Variants in BLK observed in about 807,000 individuals in gnomAD.
BLK encodes the protein tyrosine-protein kinase Blk.
A neutral mutation model predicts 61.8 loss-of-function variants in BLK; 64 were observed. The ratio of observed to expected loss-of-function variants is 1.03; its 90% CI spans 0.85 to 1.27. The LOEUF (loss-of-function observed/expected upper bound fraction) is 1.27, where lower values mean the gene tolerates loss of function less well. BLK is among the 50% of genes most tolerant of loss of function. BLK has a pLI of 0.00. For missense variants in BLK, 853 were observed against 660.5 expected, an observed-to-expected ratio of 1.29 and a Z score of -3.19; for synonymous variants, 351 against 272.0, an observed-to-expected ratio of 1.29 and a Z score of -2.86.
At chr8:11,516,937 C>T (rs1044597148) in intron 1 of BLK, among the ~76,000 whole-genome samples, 2 of 152,214 alleles carry the variant, frequency 1.3e-5, no homozygotes, top group African/African-American at 2.4e-5. Flanking sequence ...TGGATACACA[C>T]CCAGAACTGG....
intron 1 of BLK, among the ~76,000 whole-genome samples, chr8:11,506,025 A>G (rs2117264591): frequency 6.6e-6 from 1 of 152,254 alleles, no homozygotes; most frequent in Non-Finnish European, 1.5e-5. Flanking sequence ...ATCTCTTCCC[A>G]CAGTGGGCCC....
chr8:11,517,763 G>A (rs976286107), intron 1 of BLK, among the ~76,000 whole-genome samples: 4 of 152,204 alleles, frequency 2.6e-5, no homozygotes, highest in Non-Finnish European at 5.9e-5. Context: ...ACCTGAGGCA[G>A]CACCCATGGT....
chr8:11,504,763 G>T (rs10100215), intron 1 of BLK, among the ~76,000 whole-genome samples: 41,493 of 152,166 alleles, frequency 0.27, 7,149 homozygotes, highest in East Asian at 0.69. Context: ...CCTGATAAGG[G>T]TGCTGGCATA....
At chr8:11,521,416 G>A (rs890625592) in intron 1 of BLK, among the ~76,000 whole-genome samples, 2 of 152,046 alleles carry the variant, frequency 1.3e-5, no homozygotes, top group Non-Finnish European at 2.9e-5. Flanking sequence ...TAAGCCTCCC[G>A]AGTAGCTGGG....
intron 6 of BLK, chr8:11,552,626 A>G (rs1205268198): frequency 1.3e-5 from 2 of 152,206 alleles, no homozygotes; most frequent in African/African-American, 4.8e-5. Flanking sequence ...TTTCATCTGT[A>G]TCTCCCGCTC....
chr8:11,528,244 C>T lies in BLK; in HGVS notation c.-1-14980C>T, dbSNP rs189264387. Among the ~76,000 whole-genome samples the T allele has an allele frequency of 3.9e-5, 6 of 152,208 alleles. No individual in the cohort carries two copies. In the East Asian group the frequency reaches 1.2e-3, roughly 29 times the overall value. ...TAGAGATGGAGTCTTGCTGTGTTGT[C>T]CAGGCTGGTCTAGAACTCCTGAGCT... On this transcript the variant is annotated intron_variant, in intron 1 of 12. Coordinates refer to ENST00000259089, the MANE Select transcript of BLK (RefSeq NM_001715.3).
At chr8:11,533,582 CGGAGGA>C (rs1054999044) in intron 1 of BLK, among the ~76,000 whole-genome samples, 1 of 47,770 alleles carries the variant, frequency 2.1e-5, no homozygotes, top group East Asian at 2.8e-4. Flanking sequence ...CCCTGTCTGC[CGGAGGA>C]GGAGGAGGAG....
At chr8:11,555,273 C>A (rs1801143763) in intron 7 of BLK, 59 bp from the exon 8 acceptor site, 1 of 1,610,574 alleles carries the variant, frequency 6.2e-7, no homozygotes, top group African/African-American at 1.3e-5. Context: ...ATACAGCTCC[C>A]AAGGTAGAGC....
At chr8:11,516,407 T>A (rs1799228052) in intron 1 of BLK, among the ~76,000 whole-genome samples, 1 of 152,118 alleles carries the variant, frequency 6.6e-6, no homozygotes, top group African/African-American at 2.4e-5. Context: ...CCCCTTGCGG[T>A]GCAAAGAAAG....
chr8:11,562,275 A>G lies in BLK; in HGVS notation c.1181-704A>G, dbSNP rs975985390. Among the ~76,000 whole-genome samples, 13 of 152,186 alleles carry G rather than the reference A, an allele frequency of 8.5e-5. 1 individual carries two copies. On this transcript the variant is annotated intron_variant, in intron 11 of 12. Transcript: ENST00000259089. ...GTGCATATAACTGAGGTGGAAATCT[A>G]CGTCACAAGAGAATCTGAAGGGGTC...
chr8:11,521,482 G>A (rs996758680), intron 1 of BLK, among the ~76,000 whole-genome samples: 3 of 152,104 alleles, frequency 2.0e-5, no homozygotes, highest in African/African-American at 7.2e-5. Flanking sequence ...GTAGAGGTGA[G>A]GTCCCACTCT....
intron 1 of BLK, among the ~76,000 whole-genome samples, chr8:11,541,490 G>GTC (rs977046208): frequency 2.9e-4 from 42 of 146,256 alleles, no homozygotes; most frequent in East Asian, 1.8e-3. Context: ...CAAACCCATC[G>GTC]TCTCTCTCTC....
At chr8:11,527,314 T>A (rs79939738) in intron 1 of BLK, among the ~76,000 whole-genome samples, 2,969 of 152,288 alleles carry the variant, frequency 0.019, 53 homozygotes, top group African/African-American at 0.045. Context: ...TTTTTGCAAA[T>A]ATATACTCTT....
At chr8:11,560,795 C>T (rs1176735136) in intron 10 of BLK, 1 of 450,918 alleles carries the variant, frequency 2.2e-6, no homozygotes, top group Admixed American at 2.4e-5. Context: ...CCCTGGAGAC[C>T]ACATCCCTCA....
chr8:11,560,832 C>T lies in BLK; in HGVS notation c.1030-470C>T, dbSNP rs77181656. 4,484 of 458,260 alleles carry T rather than the reference C, an allele frequency of 9.8e-3. 42 individuals are homozygous for T. The highest frequency in any genetic ancestry group is 0.013 in the Non-Finnish European group (2,924 of 228,018). The allele number at this position is 458,260 out of a possible 1,614,324, so 28.4% of individuals were successfully genotyped here. Reference sequence around the variant, plus strand: ...GTTCCATGTCAGGACTGTGGCCCCTCGGGGAGGTTAAGCAGCTTGCTAGAG... The same window carrying T: ...GTTCCATGTCAGGACTGTGGCCCCTTGGGGAGGTTAAGCAGCTTGCTAGAG... On this transcript the variant is annotated intron_variant, in intron 10 of 12. Transcript: ENST00000259089.
intron 1 of BLK, among the ~76,000 whole-genome samples, chr8:11,513,004 A>G (rs1799077978): frequency 6.6e-6 from 1 of 152,186 alleles, no homozygotes; most frequent in South Asian, 2.1e-4. Flanking sequence ...GCCACATAAC[A>G]TGATTGCCTT....
chr8:11,512,583 T>C (rs982845616), intron 1 of BLK, among the ~76,000 whole-genome samples: 1 of 152,240 alleles, frequency 6.6e-6, no homozygotes, highest in Admixed American at 6.5e-5. Context: ...TTCCACCCTC[T>C]ACTTTATAGA....
chr8:11,525,794 G>A (rs898387402), intron 1 of BLK, among the ~76,000 whole-genome samples: 2 of 152,188 alleles, frequency 1.3e-5, no homozygotes, highest in South Asian at 4.1e-4. Flanking sequence ...GCCCAGGCTG[G>A]AGTGCAGTGG....
At chr8:11,505,701 C>T (rs895157693) in intron 1 of BLK, among the ~76,000 whole-genome samples, 2 of 152,166 alleles carry the variant, frequency 1.3e-5, no homozygotes, top group African/African-American at 4.8e-5. Context: ...TATCACCGCA[C>T]AGGGTAAAGC....
Sources: allele counts gnomAD v4.1 joint callset (sites outside exome capture counted in the v4.1 genomes callset), GRCh38; gene constraint gnomAD v4.1.1; transcripts MANE v1.5; gene names NCBI Gene and HGNC (gene_info 2026-07-23, HGNC 2026-07-21).